Variants in NAV3 observed in about 807,000 individuals in gnomAD.
NAV3 encodes pore membrane and/or filament interacting like protein 1.
A neutral mutation model predicts 244.7 loss-of-function variants in NAV3; 87 were observed. The observed-to-expected ratio is 0.36, with a 90% CI of 0.30 to 0.42. The LOEUF is 0.42. Ranked by LOEUF, NAV3 falls within the 20% of genes least tolerant of loss-of-function variation. The pLI is 1.00. For missense variants in NAV3, 2,663 were observed against 2,893.3 expected, an observed-to-expected ratio of 0.92 and a Z score of 1.83; for synonymous variants, 1,126 against 1,042.2, an observed-to-expected ratio of 1.08 and a Z score of -1.55.
rs1024149276 is a variant in NAV3, at chr12:77,763,928, A to G, written c.73-176391A>G. Reference sequence around the variant, plus strand: ...TCCAGCTATCAGAGAGGGACAGTGAATATATCAAGTAAGGCACTCAAAGCA... The same window carrying G: ...TCCAGCTATCAGAGAGGGACAGTGAGTATATCAAGTAAGGCACTCAAAGCA... On this transcript the variant is annotated intron_variant, in intron 2 of 8. Coordinates refer to the NAV3 transcript ENST00000550042. 2.6e-5 allele frequency among the ~76,000 whole-genome samples: 4 copies of G among 152,328 alleles called. No homozygotes were observed. In the East Asian group the frequency reaches 7.7e-4, roughly 29 times the overall value.
intron 2 of NAV3, among the ~76,000 whole-genome samples, chr12:77,628,165 A>G (rs1212407323): frequency 6.6e-6 from 1 of 152,242 alleles, no homozygotes; most frequent in Non-Finnish European, 1.5e-5. Context: ...TGTTCCCAAC[A>G]CAAATAAATG....
Position 77,669,658 on chromosome 12 carries a change from C to T in NAV3, c.72+97392C>T, listed in dbSNP as rs576479431. 5.5e-4 allele frequency among the ~76,000 whole-genome samples: 83 copies of T among 152,086 alleles called. 1 individual carries two copies. The highest frequency in any genetic ancestry group is 2.0e-3 in the African/African-American group (81 of 41,494). Reference sequence around the variant, plus strand: ...AGTACAACAGGAAAATATCACAATCCTAAATATATATGCACCTAACACTAG... The same window carrying T: ...AGTACAACAGGAAAATATCACAATCTTAAATATATATGCACCTAACACTAG... On this transcript the variant is annotated intron_variant, in intron 2 of 8. Coordinates refer to the NAV3 transcript ENST00000550042.
rs373671296 is a variant in NAV3, at chr12:78,006,885, A to G, written c.1347A>G (p.Pro449=). 1.9e-5 allele frequency: 30 copies of G among 1,614,074 alleles called. No individual in the cohort carries two copies. The highest frequency in any genetic ancestry group is 2.5e-5 in the Non-Finnish European group (29 of 1,180,040). Residue 449 remains proline (P), a synonymous_variant, in exon 8 of 40, where the codon CCA becomes CCG. Coordinates refer to ENST00000397909, the MANE Select transcript of NAV3 (RefSeq NM_001024383.2). ...SPKVSPKLAP[P]KAGSKNLSNK... ...AAGTGTCACCTAAGTTGGCCCCTCC[A>G]AAAGCTGGAAGCAAAAATCTCAGCA...
At chr12:78,069,480 A>C (rs1952643608) in intron 12 of NAV3, among the ~76,000 whole-genome samples, 1 of 151,940 alleles carries the variant, frequency 6.6e-6, no homozygotes, top group South Asian at 2.1e-4. Context: ...GTTTGGTTAC[A>C]TCATATATAT....
intron 1 of NAV3, among the ~76,000 whole-genome samples, chr12:77,912,688 T>A (rs964291451): frequency 6.6e-6 from 1 of 152,118 alleles, no homozygotes; most frequent in South Asian, 2.1e-4. Context: ...TAGAGTGCAA[T>A]GGTGCGATCT....
At chr12:77,797,532 T>G (rs1172058898) in intron 2 of NAV3, among the ~76,000 whole-genome samples, 3 of 149,254 alleles carry the variant, frequency 2.0e-5, no homozygotes, top group African/African-American at 4.9e-5. Context: ...AAGTTTTTTT[T>G]TTTTTTTTTT....
At chr12:77,832,559 C>T (rs1873903170) in intron 1 of NAV3, among the ~76,000 whole-genome samples, 1 of 152,132 alleles carries the variant, frequency 6.6e-6, no homozygotes, top group Non-Finnish European at 1.5e-5. Context: ...TACAGGCATA[C>T]AATGTGTAAT....
At chr12:78,115,391 C>A (rs533626787) in intron 12 of NAV3, among the ~76,000 whole-genome samples, 26 of 152,260 alleles carry the variant, frequency 1.7e-4, no homozygotes, top group African/African-American at 5.8e-4. Context: ...AACTGAGAAC[C>A]AGCTGGTAAA....
At chr12:78,107,227 A>C (rs1006751921) in intron 12 of NAV3, among the ~76,000 whole-genome samples, 1 of 152,208 alleles carries the variant, frequency 6.6e-6, no homozygotes, top group Admixed American at 6.5e-5. Flanking sequence ...AGAATAATCA[A>C]ATCCTTCCTG....
chr12:77,776,355 G>C (rs1017897378), intron 2 of NAV3, among the ~76,000 whole-genome samples: 2 of 152,202 alleles, frequency 1.3e-5, no homozygotes, highest in Non-Finnish European at 2.9e-5. Context: ...AAATCTTTCT[G>C]TATTTAACAG....
intron 2 of NAV3, among the ~76,000 whole-genome samples, chr12:77,598,706 G>A (rs1870285674): frequency 6.6e-6 from 1 of 151,886 alleles, no homozygotes; most frequent in Non-Finnish European, 1.5e-5. Context: ...TTTGTCTGGT[G>A]TACCTACCTG....
chr12:77,916,841 A>T (rs536005289), intron 1 of NAV3, among the ~76,000 whole-genome samples: 1 of 152,146 alleles, frequency 6.6e-6, no homozygotes, highest in East Asian at 1.9e-4. Flanking sequence ...GTTAAAAAAT[A>T]TCTTTTCAGA....
chr12:78,005,329 T>C (rs1874014267), intron 7 of NAV3, among the ~76,000 whole-genome samples: 1 of 152,226 alleles, frequency 6.6e-6, no homozygotes, highest in South Asian at 2.1e-4. Context: ...AATGTTAATA[T>C]TGCATAGCTA....
At chr12:77,800,794 C>T (rs1871664828) in intron 2 of NAV3, among the ~76,000 whole-genome samples, 1 of 152,038 alleles carries the variant, frequency 6.6e-6, no homozygotes. Context: ...ATAAAACACA[C>T]AAACAGAAAA....
chr12:77,816,143 A>G (rs1416016627), intron 2 of NAV3, among the ~76,000 whole-genome samples: 1 of 152,184 alleles, frequency 6.6e-6, no homozygotes, highest in Non-Finnish European at 1.5e-5. Flanking sequence ...GATAAACTTT[A>G]TATTCATTGG....
chr12:77,766,654 T>C (rs1466859997), intron 2 of NAV3, among the ~76,000 whole-genome samples: 1 of 151,648 alleles, frequency 6.6e-6, no homozygotes, highest in Non-Finnish European at 1.5e-5. Flanking sequence ...TTCTATTTTT[T>C]AAAATGGTAA....
At chr12:77,773,131 G>T (rs148834290) in intron 2 of NAV3, among the ~76,000 whole-genome samples, 2 of 152,126 alleles carry the variant, frequency 1.3e-5, no homozygotes, top group African/African-American at 2.4e-5. Context: ...TATTTGGTTG[G>T]CATGCCCTTC....
chr12:77,931,676 C>A (rs1316853983), intron 1 of NAV3, among the ~76,000 whole-genome samples: 3 of 151,976 alleles, frequency 2.0e-5, no homozygotes, highest in Non-Finnish European at 1.5e-5. Context: ...ACCATCCTGG[C>A]TAACACGATG....
chr12:77,639,936 G>T (rs568426772), intron 2 of NAV3, among the ~76,000 whole-genome samples: 1 of 152,168 alleles, frequency 6.6e-6, no homozygotes, highest in Non-Finnish European at 1.5e-5. Context: ...CTGTCAAAAG[G>T]GGGGCACTAG....
Sources: allele counts gnomAD v4.1 joint callset (sites outside exome capture counted in the v4.1 genomes callset), GRCh38; gene constraint gnomAD v4.1.1; transcripts MANE v1.5; gene names NCBI Gene and HGNC (gene_info 2026-07-23, HGNC 2026-07-21).